Variants in HMCN1 observed in about 807,000 individuals in gnomAD.
HMCN1 encodes the protein hemicentin-1.
In HMCN1, 321 loss-of-function variants were observed where a neutral mutation model predicts 625.9. That is an observed-to-expected ratio of 0.51 (90% CI 0.47 to 0.56). HMCN1 has a LOEUF of 0.56. HMCN1 is among the 20% of genes least tolerant of loss of function. The pLI, the probability that HMCN1 is intolerant of heterozygous loss-of-function variation, is 0.00. For missense variants in HMCN1, 6,588 were observed against 6,887.3 expected (o/e 0.96, Z 1.54); for synonymous variants, 2,425 against 2,417.6 (o/e 1.00, Z -0.09).
At chr1:185,789,750 T>C (rs12063964) in intron 1 of HMCN1, among the ~76,000 whole-genome samples, 52,552 of 152,062 alleles carry the variant, frequency 0.35, 10,479 homozygotes, top group African/African-American at 0.54. Context: ...TGCCTCTGCC[T>C]TAGCTGTTTT....
At chr1:185,743,587 C>A (rs973895298) in intron 1 of HMCN1, among the ~76,000 whole-genome samples, 5 of 152,214 alleles carry the variant, frequency 3.3e-5, no homozygotes, top group Non-Finnish European at 7.3e-5. Context: ...TTCCAAGGAG[C>A]ACTGTGCAAC....
chr1:185,950,347 G>A (rs1279400526), intron 11 of HMCN1, among the ~76,000 whole-genome samples: 3 of 151,890 alleles, frequency 2.0e-5, no homozygotes, highest in Admixed American at 6.6e-5. Context: ...GATTTTGAGA[G>A]CCTCTAAAAG....
chr1:186,028,984 A>G (rs1655241428), intron 36 of HMCN1, among the ~76,000 whole-genome samples: 2 of 151,966 alleles, frequency 1.3e-5, no homozygotes, highest in Admixed American at 1.3e-4. Context: ...CGTCCGCCTC[A>G]GCCTCCCAAA....
chr1:185,855,753 G>A (rs1662427039), intron 2 of HMCN1, among the ~76,000 whole-genome samples: 1 of 152,160 alleles, frequency 6.6e-6, no homozygotes, highest in Admixed American at 6.6e-5. Flanking sequence ...AGTGACAGGT[G>A]ATAATCTGAA....
chr1:185,969,299 T>C (rs546309265), intron 14 of HMCN1, among the ~76,000 whole-genome samples: 3 of 152,186 alleles, frequency 2.0e-5, no homozygotes, highest in South Asian at 4.1e-4. Flanking sequence ...ATTGAGGTTT[T>C]AAATATTGGA....
intron 11 of HMCN1, among the ~76,000 whole-genome samples, chr1:185,950,613 G>A (rs1157694422): frequency 6.6e-6 from 1 of 151,834 alleles, no homozygotes; most frequent in Non-Finnish European, 1.5e-5. Flanking sequence ...GGTAACAGAT[G>A]AGGAAGAAAT....
Position 185,977,821 on chromosome 1 carries a change from G to A in HMCN1, c.2406G>A (p.Val802=). ...TTTTCATACAAGAACCTGCTGATGT[G>A]TCTATGGAAATTGGCTCAAATGTGA... ...PPVFIQEPAD[V]SMEIGSNVTL... is the part of the protein sequence containing the mutation. The change falls in exon 16 of 107, where the codon GTG becomes GTA. Residue 802 remains valine, a synonymous_variant. Coordinates refer to ENST00000271588, the MANE Select transcript of HMCN1 (RefSeq NM_031935.3). 6.2e-7 allele frequency: 1 copy of A among 1,613,156 alleles called. No individual in the cohort carries two copies. Among genetic ancestry groups the A allele is most frequent in the Non-Finnish European group, 8.5e-7 (1 of 1,179,384 alleles).
intron 14 of HMCN1, 61 bp from the exon 15 acceptor site, chr1:185,970,274 T>C: frequency 6.8e-7 from 1 of 1,468,310 alleles, no homozygotes; most frequent in Non-Finnish European, 9.5e-7. Context: ...ATTAAACCAA[T>C]AGCTGCATAA....
chr1:186,125,853 T>G, intron 82 of HMCN1, 59 bp downstream of exon 82: 1 of 1,280,934 alleles, frequency 7.8e-7, no homozygotes, highest in Non-Finnish European at 1.1e-6. Context: ...GCCATCATAC[T>G]TTTAGTAATT....
chr1:185,959,510 T>C (rs987351707), intron 11 of HMCN1, among the ~76,000 whole-genome samples: 1 of 152,190 alleles, frequency 6.6e-6, no homozygotes, highest in Non-Finnish European at 1.5e-5. Flanking sequence ...TACAAAAACA[T>C]GTATTTCGCT....
chr1:186,095,098 A>T, intron 67 of HMCN1, 145 bp from the exon 68 acceptor site: 1 of 748,548 alleles, frequency 1.3e-6, no homozygotes, highest in Non-Finnish European at 2.2e-6. Context: ...TTTTTATTGT[A>T]AAGTCCTTAG....
chr1:186,133,171 C>A (rs1375603269), intron 86 of HMCN1, among the ~76,000 whole-genome samples: 1 of 151,930 alleles, frequency 6.6e-6, no homozygotes, highest in Non-Finnish European at 1.5e-5. Flanking sequence ...TGGGTATATA[C>A]CCAAAAGATT....
intron 4 of HMCN1, among the ~76,000 whole-genome samples, chr1:185,877,592 C>T (rs1235727169): frequency 2.6e-5 from 4 of 151,668 alleles, no homozygotes; most frequent in Non-Finnish European, 5.9e-5. Context: ...TTCTAATCCA[C>T]GAGCACAGGA....
chr1:185,739,216 G>A (rs1406336324), intron 1 of HMCN1, among the ~76,000 whole-genome samples: 2 of 152,222 alleles, frequency 1.3e-5, no homozygotes, highest in Non-Finnish European at 2.9e-5. Flanking sequence ...TCTTATGGCT[G>A]TGTAGTATTC....
chr1:185,972,361 G>A (rs1650892328), intron 15 of HMCN1, among the ~76,000 whole-genome samples: 1 of 152,162 alleles, frequency 6.6e-6, no homozygotes, highest in Non-Finnish European at 1.5e-5. Flanking sequence ...TCCATCCAGT[G>A]ATACACCATA....
rs563247490 is a variant in HMCN1, at chr1:185,821,977, G to A, written c.269-24049G>A. Among the ~76,000 whole-genome samples the A allele has an allele frequency of 2.0e-5, 3 of 151,896 alleles. No homozygotes were observed. The East Asian group carries it at 5.8e-4, about 29-fold the overall frequency. On this transcript the variant is annotated intron_variant, in intron 1 of 106. Transcript: ENST00000271588. The stretch of plus-strand genomic sequence containing the variant: ...AGCCAATCTGAAAAGGCTATGTACT[G>A]TATGATTCCAACTACATAATCTTTG...
intron 1 of HMCN1, among the ~76,000 whole-genome samples, chr1:185,763,018 C>A (rs1375731169): frequency 1.3e-5 from 2 of 152,060 alleles, no homozygotes; most frequent in African/African-American, 4.8e-5. Flanking sequence ...GGGTTAGGGG[C>A]GTGAGAAGAA....
At chr1:186,056,862 A>G (rs992248939) in intron 45 of HMCN1, among the ~76,000 whole-genome samples, 1 of 151,924 alleles carries the variant, frequency 6.6e-6, no homozygotes, top group Non-Finnish European at 1.5e-5. Flanking sequence ...ATACCCATGT[A>G]ACAAACCTGC....
chr1:186,114,450 G>T (rs539170492), intron 73 of HMCN1, among the ~76,000 whole-genome samples: 180 of 152,092 alleles, frequency 1.2e-3, no homozygotes, highest in African/African-American at 4.2e-3. Flanking sequence ...GTAGAGATGG[G>T]GTTTCACCAG....
Sources: gnomAD v4.1 joint callset for allele counts (sites outside exome capture counted in the v4.1 genomes callset) on GRCh38, gnomAD v4.1.1 for gene constraint, MANE v1.5 for transcripts, NCBI Gene and HGNC (gene_info 2026-07-23, HGNC 2026-07-21) for gene names.